TMTC1: variants seen among roughly 807,000 people sequenced by gnomAD.
TMTC1 encodes the protein protein O-mannosyl-transferase TMTC1.
TMTC1 carries 73 observed loss-of-function variants against 104.8 expected under a neutral mutation model. That is an observed-to-expected ratio of 0.70 (90% CI 0.58 to 0.85). The LOEUF is 0.85. Among genes scored for constraint, TMTC1 ranks in the 40% least tolerant of loss-of-function variants. TMTC1 has a pLI of 0.00. For missense variants in TMTC1, 1,035 were observed against 1,096.1 expected, an observed-to-expected ratio of 0.94 and a Z score of 0.79; for synonymous variants, 434 against 428.7, an observed-to-expected ratio of 1.01 and a Z score of -0.15.
intron 5 of TMTC1, among the ~76,000 whole-genome samples, chr12:29,702,396 G>C (rs916341666): frequency 6.6e-6 from 1 of 152,168 alleles, no homozygotes; most frequent in Admixed American, 6.5e-5. Flanking sequence ...TATGGTCACT[G>C]GCTGAGTTCA....
chr12:29,581,564 C>CTT lies in TMTC1; in HGVS notation c.1418+1841_1418+1842dup, dbSNP rs1486581726. Among the ~76,000 whole-genome samples the CTT allele has an allele frequency of 5.2e-3, 775 of 148,528 alleles. 8 individuals carry two copies. Among genetic ancestry groups the CTT allele is most frequent in the African/African-American group, 0.018 (738 of 40,492 alleles). ...CAAGGCCAATCAGCTATTTTTTTTTCTTTTTTTTTTACATCTTTGGCATCA... is the reference window on the plus strand; with the variant it reads ...CAAGGCCAATCAGCTATTTTTTTTTCTTTTTTTTTTTTACATCTTTGGCATCA... On this transcript the variant is annotated intron_variant, in intron 8 of 17. Coordinates refer to ENST00000539277, the MANE Select transcript of TMTC1 (RefSeq NM_001193451.2).
chr12:29,643,724 A>ATATTTATTAT (rs1939055469), intron 5 of TMTC1, among the ~76,000 whole-genome samples: 2 of 42,964 alleles, frequency 4.7e-5, no homozygotes, highest in African/African-American at 2.1e-4. Flanking sequence ...TATAATATAT[A>ATATTTATTAT]AATATATATT....
intron 15 of TMTC1, 130 bp from the exon 16 acceptor site, chr12:29,514,734 C>T (rs1429776609): frequency 2.2e-5 from 22 of 1,022,964 alleles, no homozygotes; most frequent in Non-Finnish European, 3.0e-5. Flanking sequence ...AAGTACAATT[C>T]TTGGTCAGGC....
intron 5 of TMTC1, chr12:29,659,802 G>A (rs1323651490): frequency 2.1e-5 from 23 of 1,104,666 alleles, no homozygotes; most frequent in Non-Finnish European, 2.9e-5. Context: ...TCCTCAATAT[G>A]CAAAGTCAGC....
At chr12:29,522,804 A>T (rs1216672696) in intron 11 of TMTC1, among the ~76,000 whole-genome samples, 1 of 152,188 alleles carries the variant, frequency 6.6e-6, no homozygotes, top group African/African-American at 2.4e-5. Flanking sequence ...GACCTTTCTT[A>T]CCCACCATGT....
At chr12:29,623,825 A>ATAAATAAATAAATTAAATTAAAT (rs375861616) in intron 6 of TMTC1, among the ~76,000 whole-genome samples, 1 of 148,824 alleles carries the variant, frequency 6.7e-6, no homozygotes, top group African/African-American at 2.6e-5. Context: ...AAATAAATAA[A>ATAAATAAATAAATTAAATTAAAT]TAAATTAAAT....
intron 5 of TMTC1, among the ~76,000 whole-genome samples, chr12:29,649,205 C>T (rs1332250949): frequency 6.6e-6 from 1 of 152,184 alleles, no homozygotes; most frequent in Non-Finnish European, 1.5e-5. Flanking sequence ...TACTCACCCT[C>T]TTTTACCTCT....
At chr12:29,580,713 A>G (rs1592265677) in intron 8 of TMTC1, among the ~76,000 whole-genome samples, 1 of 152,264 alleles carries the variant, frequency 6.6e-6, no homozygotes, top group East Asian at 1.9e-4. Flanking sequence ...CGGCTAATTT[A>G]GGTTTTTCTC....
At chr12:29,779,299 G>T (rs1179382612) in intron 1 of TMTC1, among the ~76,000 whole-genome samples, 1 of 152,118 alleles carries the variant, frequency 6.6e-6, no homozygotes, top group Non-Finnish European at 1.5e-5. Context: ...TTTTCTTATG[G>T]TCAGCCCTAA....
chr12:29,510,523 G>T (rs1943803943), intron 17 of TMTC1, among the ~76,000 whole-genome samples: 1 of 152,122 alleles, frequency 6.6e-6, no homozygotes, highest in South Asian at 2.1e-4. Context: ...ATCAGAGCTT[G>T]GGCAATTTGG....
Position 29,505,238 on chromosome 12 carries a change from C to T in TMTC1, c.*1608G>A, listed in dbSNP as rs1943672488. The T allele has an allele frequency of 6.6e-6, 1 of 152,302 alleles. No homozygotes were observed. 9.4% of individuals were successfully genotyped at this position (152,302 alleles called of 1,614,324 possible). ...ATACTGGGTTGAAAGAAGCAGAAGG[C>T]TATTTTTACCCTGCCCTGGCCTGAG... is the stretch of plus-strand genomic sequence containing the variant. On this transcript the variant is annotated 3_prime_UTR_variant, in exon 18 of 18. Transcript: ENST00000539277.
chr12:29,751,591 C>T (rs1943090834), intron 5 of TMTC1, 75 bp downstream of exon 5: 4 of 1,522,212 alleles, frequency 2.6e-6, no homozygotes, highest in Admixed American at 3.3e-5. Flanking sequence ...GCTTCACTTC[C>T]CCAGGCATCC....
At chr12:29,666,107 C>A in intron 5 of TMTC1, 1 of 404,994 alleles carries the variant, frequency 2.5e-6, no homozygotes, top group South Asian at 1.8e-5. Flanking sequence ...CCTTACAGTG[C>A]TTTAACAAGT....
At chr12:29,662,472 A>G (rs1212192715) in intron 5 of TMTC1, among the ~76,000 whole-genome samples, 1 of 152,128 alleles carries the variant, frequency 6.6e-6, no homozygotes, top group Admixed American at 6.5e-5. Flanking sequence ...CAATATGGTG[A>G]AACCCCATCT....
chr12:29,714,297 T>C (rs1316530755), intron 5 of TMTC1, among the ~76,000 whole-genome samples: 1 of 152,226 alleles, frequency 6.6e-6, no homozygotes, highest in Non-Finnish European at 1.5e-5. Flanking sequence ...CCTCATGACA[T>C]TGTTCTTTGA....
At chr12:29,729,012 A>G (rs1210300000) in intron 5 of TMTC1, among the ~76,000 whole-genome samples, 1 of 150,674 alleles carries the variant, frequency 6.6e-6, no homozygotes, top group Non-Finnish European at 1.5e-5. Context: ...AAAAAAAAAA[A>G]AAAAAGCACT....
rs185926118 is a variant in TMTC1, at chr12:29,640,229, C to T, written c.939-6893G>A. ...TTACAAGGATGAATGGTCCAATTAA[C>T]CGAGCTCAATTAAAGGCGGAGACTA... On this transcript the variant is annotated intron_variant, in intron 5 of 17. Transcript: ENST00000539277. Among the ~76,000 whole-genome samples, 100 of 152,274 alleles carry T rather than the reference C, an allele frequency of 6.6e-4. 1 individual carries two copies. Among genetic ancestry groups the T allele is most frequent in the East Asian group, 2.3e-3 (12 of 5,176 alleles).
chr12:29,608,287 A>G (rs1049858676), intron 6 of TMTC1, among the ~76,000 whole-genome samples: 1 of 152,206 alleles, frequency 6.6e-6, no homozygotes, highest in Non-Finnish European at 1.5e-5. Flanking sequence ...TGGCTAAATA[A>G]TTTATAGCTT....
chr12:29,768,756 T>C (rs1943531100), intron 1 of TMTC1, among the ~76,000 whole-genome samples: 1 of 152,188 alleles, frequency 6.6e-6, no homozygotes, highest in Non-Finnish European at 1.5e-5. Flanking sequence ...CAGTACCTGA[T>C]TTCTAAGACT....
Sources: gnomAD v4.1 joint callset for allele counts (sites outside exome capture counted in the v4.1 genomes callset) on GRCh38, gnomAD v4.1.1 for gene constraint, MANE v1.5 for transcripts, NCBI Gene and HGNC (gene_info 2026-07-23, HGNC 2026-07-21) for gene names.